The following TCERG1 variants were observed in gnomAD, a reference collection of about 807,000 sequenced individuals.
TCERG1 encodes the protein transcription elongation regulator 1.
TCERG1 carries 37 observed loss-of-function variants against 144.7 expected under a neutral mutation model. That is an observed-to-expected ratio of 0.26 (90% CI 0.20 to 0.34). The LOEUF (loss-of-function observed/expected upper bound fraction) is 0.34. TCERG1 is among the 10% of genes least tolerant of loss of function. The probability of loss-of-function intolerance (pLI) is 1.00; values close to 1 mark genes in which losing one functional copy is unlikely to be tolerated. For synonymous variants in TCERG1, 492 were observed against 458.2 expected (o/e 1.07, Z -0.94); for missense variants, 1,027 against 1,380.7 (o/e 0.74, Z 4.06).
intron 5 of TCERG1, among the ~76,000 whole-genome samples, chr5:146,466,760 G>A (rs550596811): frequency 3.3e-5 from 5 of 152,264 alleles, no homozygotes; most frequent in Admixed American, 2.6e-4. Flanking sequence ...AGAGTTCTGC[G>A]AGCCCAACTG....
At chr5:146,460,426 A>T (rs1240050816) in intron 4 of TCERG1, among the ~76,000 whole-genome samples, 1 of 150,692 alleles carries the variant, frequency 6.6e-6, no homozygotes, top group Non-Finnish European at 1.5e-5. Context: ...TTAAATAATG[A>T]TTTTTTTATT....
chr5:146,489,127 C>T (rs6862473), intron 15 of TCERG1, among the ~76,000 whole-genome samples: 2 of 151,886 alleles, frequency 1.3e-5, no homozygotes, highest in African/African-American at 2.4e-5. Flanking sequence ...TAAGTCCTGG[C>T]GTTGTGTAGC....
chr5:146,479,738 T>C (rs1581482124), intron 10 of TCERG1, 117 bp from the exon 11 acceptor site: 2 of 941,118 alleles, frequency 2.1e-6, no homozygotes, highest in African/African-American at 3.3e-5. Context: ...TTTAATGTTT[T>C]ATAAAGGGAT....
At chr5:146,501,422 A>T (rs1208593529) in intron 17 of TCERG1, among the ~76,000 whole-genome samples, 2 of 152,364 alleles carry the variant, frequency 1.3e-5, no homozygotes, top group South Asian at 4.1e-4. Context: ...AATTTTATTT[A>T]AAGTTCACTT....
At chr5:146,454,518 A>T (rs1463165424) in intron 1 of TCERG1, among the ~76,000 whole-genome samples, 3 of 151,480 alleles carry the variant, frequency 2.0e-5, no homozygotes, top group African/African-American at 7.3e-5. Context: ...TTTTGCCTAG[A>T]CTCGGCATCC....
chr5:146,481,199 A>G lies in TCERG1; in HGVS notation c.1936A>G (p.Arg646Gly), dbSNP rs970763891. 1.0e-6 allele frequency: 1 copy of G among 985,122 alleles called. No individual in the cohort carries two copies. The highest frequency in any genetic ancestry group is 1.7e-5 in the African/African-American group (1 of 57,218). 61.0% of individuals were successfully genotyped at this position (985,122 alleles called of 1,614,324 possible). A position where few individuals can be genotyped will look rare whatever the true frequency, so the allele number is the denominator to read the frequency against. Reference protein sequence around the residue: ...FMWIARASLFRRDDNKDIDSE... With the variant: ...FMWIARASLFGRDDNKDIDSE... ...GTGGATTGCCCGAGCTTCTCTATTT[A>G]GGTACAAAGCTAAAAGCCTGTTTTT... Residue 646 changes from arginine to glycine, a missense_variant and splice_region_variant, in exon 13 of 23, where the codon AGG becomes GGG. Around this residue, in one of 6 missense-constraint regions of TCERG1, gnomAD observed 482 missense variants for 632.6 expected, o/e 0.76. Transcript: ENST00000679501.
intron 9 of TCERG1, among the ~76,000 whole-genome samples, chr5:146,475,722 CTG>C (rs920287554): frequency 5.3e-5 from 8 of 152,248 alleles, no homozygotes; most frequent in Middle Eastern, 3.4e-3. Context: ...CTAGGCATAA[CTG>C]TGTTAAGGGT....
rs1035180512 is a variant in TCERG1 at position 146,481,185 on chromosome 5, G to A, written c.1922G>A (p.Arg641Gln). The change falls in exon 13 of 23, where the codon CGA (arginine) becomes CAA (glutamine). Residue 641 changes from arginine (R) to glutamine (Q), a missense_variant. By Grantham distance (43) the Arg-to-Gln change is conservative. This residue lies in a region of TCERG1 where 482 missense variants were observed against 632.6 expected (regional missense o/e 0.76). Transcript: ENST00000679501. ...AAGAAGTCCTTTATGTGGATTGCCC[G>A]AGCTTCTCTATTTAGGTACAAAGCT... is the stretch of plus-strand genomic sequence containing the variant. The part of the protein sequence containing the change: ...MSKKSFMWIA[R>Q]ASLFRRDDNK... 1.0e-5 allele frequency: 10 copies of A among 985,022 alleles called. No homozygotes were observed. Among genetic ancestry groups the A allele is most frequent in the South Asian group, 4.7e-5 (1 of 21,290 alleles). The allele number at this position is 985,022 out of a possible 1,614,324, so 61.0% of individuals were successfully genotyped here.
At chr5:146,468,526 A>G in intron 6 of TCERG1, 123 bp downstream of exon 6, 2 of 844,162 alleles carry the variant, frequency 2.4e-6, no homozygotes, top group Non-Finnish European at 3.6e-6. Flanking sequence ...TTTCTTTTTA[A>G]TGAGCAGTAT....
chr5:146,450,194 A>G (rs1343059345), intron 1 of TCERG1, among the ~76,000 whole-genome samples: 2 of 152,254 alleles, frequency 1.3e-5, no homozygotes, highest in African/African-American at 4.8e-5. Flanking sequence ...ATTTATCATA[A>G]TCGAAAACTC....
intron 17 of TCERG1, among the ~76,000 whole-genome samples, chr5:146,500,866 G>C (rs1313453489): frequency 6.6e-6 from 1 of 152,038 alleles, no homozygotes; most frequent in Non-Finnish European, 1.5e-5. Context: ...AAAATAGCTG[G>C]TTGTAGTGAT....
Position 146,511,222 on chromosome 5 carries a change from G to C in TCERG1, c.*580G>C, listed in dbSNP as rs1768434792. On this transcript the variant is annotated 3_prime_UTR_variant, in exon 23 of 23. Coordinates refer to ENST00000679501, the MANE Select transcript of TCERG1 (RefSeq NM_001382548.1). ...CCCTCTGAATTATAGACCGAGTCTTGTTGTTTAGCCTAAGAGAAGATTTAT... is the reference window on the plus strand; with the variant it reads ...CCCTCTGAATTATAGACCGAGTCTTCTTGTTTAGCCTAAGAGAAGATTTAT... 6.7e-6 allele frequency: 1 copy of C among 149,264 alleles called. No homozygotes were observed. The highest frequency in any genetic ancestry group is 1.9e-4 in the East Asian group (1 of 5,202). The allele number at this position is 149,264 out of a possible 1,614,324, so 9.2% of individuals were successfully genotyped here. A position where few individuals can be genotyped will look rare whatever the true frequency, so the allele number is the denominator to read the frequency against.
intron 1 of TCERG1, among the ~76,000 whole-genome samples, chr5:146,449,680 A>C (rs1274838600): frequency 6.6e-6 from 1 of 152,232 alleles, no homozygotes; most frequent in Admixed American, 6.5e-5. Flanking sequence ...GTTCTTGTGA[A>C]ATATTTTTGT....
intron 21 of TCERG1, among the ~76,000 whole-genome samples, 186 bp downstream of exon 21, chr5:146,508,142 A>C (rs1205087592): frequency 2.6e-5 from 4 of 152,242 alleles, no homozygotes; most frequent in Non-Finnish European, 5.9e-5. Flanking sequence ...GCAAGACAGC[A>C]CAATAGAAAG....
At chr5:146,483,807 T>C (rs1488072036) in intron 15 of TCERG1, among the ~76,000 whole-genome samples, 178 bp downstream of exon 15, 1 of 152,174 alleles carries the variant, frequency 6.6e-6, no homozygotes, top group Non-Finnish European at 1.5e-5. Context: ...AATTCTTGGA[T>C]ATTTTTGCCC....
intron 5 of TCERG1, among the ~76,000 whole-genome samples, chr5:146,466,348 C>T (rs1054497333): frequency 2.0e-5 from 3 of 151,940 alleles, no homozygotes; most frequent in Non-Finnish European, 2.9e-5. Context: ...GATTGAGGAA[C>T]GGATGGTCAA....
intron 15 of TCERG1, 132 bp downstream of exon 15, chr5:146,483,761 ATAT>A (rs1004587108): frequency 7.6e-6 from 5 of 653,982 alleles, no homozygotes; most frequent in African/African-American, 5.6e-5. Context: ...ATCTTAGAAC[ATAT>A]TATGTGTCTG....
rs190240296 is a variant in TCERG1 at position 146,488,710 on chromosome 5, A to G, written c.2164-4210A>G. On this transcript the variant is annotated intron_variant, in intron 15 of 22. Transcript: ENST00000679501. Reference sequence around the variant, plus strand: ...AACAGAACAACGATATGATCCAGCAATCCCCCTATCAGGTATGTATTGAAA... The same window carrying G: ...AACAGAACAACGATATGATCCAGCAGTCCCCCTATCAGGTATGTATTGAAA... Among the ~76,000 whole-genome samples the G allele has an allele frequency of 1.3e-4, 20 of 152,304 alleles. No homozygotes were observed. In the East Asian group the frequency reaches 2.1e-3, roughly 16 times the overall value.
intron 16 of TCERG1, among the ~76,000 whole-genome samples, chr5:146,497,540 A>G (rs1468476096): frequency 6.6e-6 from 1 of 152,070 alleles, no homozygotes; most frequent in Non-Finnish European, 1.5e-5. Context: ...TTTTCTATGG[A>G]TCACGTTTCT....
Sources: allele counts gnomAD v4.1 joint callset (sites outside exome capture counted in the v4.1 genomes callset), GRCh38; gene constraint gnomAD v4.1.1; regional missense constraint gnomAD v4.1.1; transcripts MANE v1.5; gene names NCBI Gene and HGNC (gene_info 2026-07-23, HGNC 2026-07-21).